RBFOX1: variants seen among roughly 807,000 people sequenced by gnomAD.
RBFOX1 encodes the protein RNA binding fox-1 homolog 1, also known as RNA binding protein fox-1 homolog 1.
In RBFOX1, 8 loss-of-function variants were observed where a neutral mutation model predicts 57.7. That is an observed-to-expected ratio of 0.14 (90% CI 0.08 to 0.25). The LOEUF (loss-of-function observed/expected upper bound fraction) is 0.25. RBFOX1 is among the 10% of genes least tolerant of loss of function. The probability of loss-of-function intolerance (pLI) is 1.00; values close to 1 mark genes in which losing one functional copy is unlikely to be tolerated. For synonymous variants in RBFOX1, 326 were observed against 222.4 expected (o/e 1.47, Z -4.15); for missense variants, 611 against 548.5 (o/e 1.11, Z -1.14).
intron 1 of RBFOX1, among the ~76,000 whole-genome samples, chr16:6,190,406 T>C (rs777560383): frequency 1.3e-5 from 2 of 152,170 alleles, no homozygotes; most frequent in Non-Finnish European, 2.9e-5. Context: ...TCCTACAGCC[T>C]ATGTTTGAAT....
intron 3 of RBFOX1, among the ~76,000 whole-genome samples, chr16:7,025,558 G>C (rs1597344971): frequency 6.6e-6 from 1 of 152,142 alleles, no homozygotes; most frequent in East Asian, 1.9e-4. Flanking sequence ...CGGATCCCAA[G>C]ACATAAGATT....
At chr16:5,552,192 A>T (rs1360739482) in intron 2 of RBFOX1, among the ~76,000 whole-genome samples, 1 of 152,206 alleles carries the variant, frequency 6.6e-6, no homozygotes. Flanking sequence ...AGCTTCTCTG[A>T]GATAACCTTG....
intron 2 of RBFOX1, among the ~76,000 whole-genome samples, chr16:5,536,764 A>G (rs1362923678): frequency 6.6e-6 from 1 of 151,630 alleles, no homozygotes; most frequent in African/African-American, 2.4e-5. Context: ...GGGATGTAAC[A>G]TCTTATTGTA....
At chr16:5,712,402 A>G (rs2051523518) in intron 3 of RBFOX1, among the ~76,000 whole-genome samples, 1 of 152,220 alleles carries the variant, frequency 6.6e-6, no homozygotes, top group African/African-American at 2.4e-5. Context: ...GCTGGTTGGC[A>G]TTACAGGCTG....
chr16:6,069,121 G>A (rs914583549), intron 1 of RBFOX1, among the ~76,000 whole-genome samples: 3 of 152,100 alleles, frequency 2.0e-5, no homozygotes, highest in African/African-American at 4.8e-5. Context: ...GGGAGAGGCC[G>A]GGCACGGCGG....
chr16:7,215,889 T>C (rs903570219), intron 4 of RBFOX1, among the ~76,000 whole-genome samples: 1 of 152,040 alleles, frequency 6.6e-6, no homozygotes, highest in Admixed American at 6.6e-5. Flanking sequence ...GGCACCCGGC[T>C]AATTTTTGTA....
At position 5,735,738 on chromosome 16, in the gene RBFOX1, G is replaced by A. The variant is rs564024188; in HGVS notation, c.319-131565G>A. Among the ~76,000 whole-genome samples the A allele has an allele frequency of 4.0e-4, 61 of 152,200 alleles. 1 individual carries two copies. In the South Asian group the frequency reaches 5.2e-3, roughly 13 times the overall value. ...ATGGTGAAACCCTGTTTAGCCGGGC[G>A]TGGTGGTGGGCGGCTGTAATCCTGC... On this transcript the variant is annotated intron_variant, in intron 3 of 19. Coordinates refer to the RBFOX1 transcript ENST00000641259.
At chr16:5,693,962 T>G (rs1357725789) in intron 3 of RBFOX1, among the ~76,000 whole-genome samples, 1 of 152,200 alleles carries the variant, frequency 6.6e-6, no homozygotes, top group Non-Finnish European at 1.5e-5. Flanking sequence ...TTTTCCCCAG[T>G]TAGAGTAGAC....
chr16:6,113,200 C>T (rs1216205739), intron 1 of RBFOX1, among the ~76,000 whole-genome samples: 1 of 152,162 alleles, frequency 6.6e-6, no homozygotes, highest in Non-Finnish European at 1.5e-5. Flanking sequence ...CCAGAGACTT[C>T]TTTGGACATT....
chr16:5,556,146 C>T (rs2151094630), intron 2 of RBFOX1, among the ~76,000 whole-genome samples: 1 of 152,358 alleles, frequency 6.6e-6, no homozygotes, highest in East Asian at 1.9e-4. Flanking sequence ...GAAATATGAA[C>T]ACACATGTTA....
chr16:6,732,658 G>T (rs1426714866), intron 3 of RBFOX1, among the ~76,000 whole-genome samples: 1 of 152,240 alleles, frequency 6.6e-6, no homozygotes, highest in Non-Finnish European at 1.5e-5. Context: ...GAAGAGCAAG[G>T]TGAATGCTTA....
At chr16:6,961,397 T>C (rs144193218) in intron 3 of RBFOX1, among the ~76,000 whole-genome samples, 1,728 of 152,208 alleles carry the variant, frequency 0.011, 39 homozygotes, top group African/African-American at 0.039. Flanking sequence ...CTATAGCAAA[T>C]AGCCATGAAC....
intron 4 of RBFOX1, among the ~76,000 whole-genome samples, chr16:5,905,403 G>A (rs1351458279): frequency 6.6e-6 from 1 of 152,024 alleles, no homozygotes; most frequent in Non-Finnish European, 1.5e-5. Context: ...CACATATAGA[G>A]GGAAGCCCAT....
chr16:7,006,847 A>G (rs1292435499), intron 3 of RBFOX1, among the ~76,000 whole-genome samples: 1 of 152,188 alleles, frequency 6.6e-6, no homozygotes, highest in African/African-American at 2.4e-5. Flanking sequence ...CAGTGGAATC[A>G]CACTTTGAAC....
intron 4 of RBFOX1, among the ~76,000 whole-genome samples, chr16:7,105,092 A>T (rs994065009): frequency 2.6e-5 from 4 of 152,022 alleles, no homozygotes; most frequent in African/African-American, 9.7e-5. Context: ...GAAAGAGAGC[A>T]CCTCTGCCAC....
chr16:7,417,558 G>GTGTGTGTGTA (rs2098495511), intron 4 of RBFOX1, among the ~76,000 whole-genome samples: 4 of 151,876 alleles, frequency 2.6e-5, no homozygotes, highest in African/African-American at 9.7e-5. Flanking sequence ...GTGTGTGTGT[G>GTGTGTGTGTA]TGTTCACTTC....
chr16:5,450,506 C>T (rs1009509224), intron 1 of RBFOX1, among the ~76,000 whole-genome samples: 14 of 152,288 alleles, frequency 9.2e-5, no homozygotes, highest in Middle Eastern at 3.4e-3. Flanking sequence ...GTGGGGCGGG[C>T]CTCTCTGGCA....
At chr16:6,162,105 G>A (rs2096883824) in intron 1 of RBFOX1, among the ~76,000 whole-genome samples, 1 of 152,174 alleles carries the variant, frequency 6.6e-6, no homozygotes, top group Admixed American at 6.5e-5. Context: ...CCAAAGAACA[G>A]GATTTCTGTA....
At chr16:7,225,579 G>A (rs1043976717) in intron 4 of RBFOX1, among the ~76,000 whole-genome samples, 3 of 151,746 alleles carry the variant, frequency 2.0e-5, no homozygotes, top group African/African-American at 7.3e-5. Context: ...AATACAGTGG[G>A]CCATGTGAGA....
Sources: allele counts gnomAD v4.1 joint callset (sites outside exome capture counted in the v4.1 genomes callset), GRCh38; gene constraint gnomAD v4.1.1; transcripts MANE v1.5; gene names NCBI Gene and HGNC (gene_info 2026-07-23, HGNC 2026-07-21).